LOC128462377: variants seen among roughly 807,000 people sequenced by gnomAD.
At chr16:89,337,691 C>T in the LOC128462377 span, among the ~76,000 whole-genome samples, 40 of 152,224 alleles carry the variant, frequency 2.6e-4, 1 homozygote, top group South Asian at 6.2e-3. Context: ...CCACCCGCCT[C>T]GGCCTCCCAA....
chr16:89,409,601 G>A, the LOC128462377 span, among the ~76,000 whole-genome samples: 3 of 152,144 alleles, frequency 2.0e-5, no homozygotes, highest in African/African-American at 7.2e-5. Context: ...ACTGCTTAAG[G>A]CCAGGAGTTC....
chr16:89,371,529 G>C, the LOC128462377 span, among the ~76,000 whole-genome samples: 2 of 152,186 alleles, frequency 1.3e-5, no homozygotes, highest in Non-Finnish European at 2.9e-5. Context: ...CCACAGATGA[G>C]TTCTCTCAAG....
the LOC128462377 span, among the ~76,000 whole-genome samples, chr16:89,411,189 A>T: frequency 6.6e-6 from 1 of 152,236 alleles, no homozygotes. Context: ...CGCCTCCATG[A>T]CGGTGCCCTC....
the LOC128462377 span, among the ~76,000 whole-genome samples, chr16:89,339,263 T>C: frequency 6.6e-6 from 1 of 152,342 alleles, no homozygotes; most frequent in East Asian, 1.9e-4. Flanking sequence ...AATCATGCAT[T>C]AGGCAATAGA....
At chr16:89,345,484 G>A in the LOC128462377 span, among the ~76,000 whole-genome samples, 3 of 152,178 alleles carry the variant, frequency 2.0e-5, no homozygotes, top group African/African-American at 7.2e-5. Flanking sequence ...CCCCAAGCAC[G>A]GAGGCAGAGA....
At chr16:89,410,068 T>G in the LOC128462377 span, among the ~76,000 whole-genome samples, 1 of 152,204 alleles carries the variant, frequency 6.6e-6, no homozygotes, top group African/African-American at 2.4e-5. Context: ...CTCGATCTCC[T>G]GACCTCGTGA....
At chr16:89,347,607 T>TGA in the LOC128462377 span, among the ~76,000 whole-genome samples, 1 of 127,368 alleles carries the variant, frequency 7.9e-6, no homozygotes, top group Non-Finnish European at 1.6e-5. Flanking sequence ...CGAGACTCCG[T>TGA]AAAAAAAAAA....
chr16:89,358,927 G>C, the LOC128462377 span, among the ~76,000 whole-genome samples: 2 of 152,078 alleles, frequency 1.3e-5, no homozygotes, highest in Admixed American at 6.5e-5. Context: ...CTGGGCTCAA[G>C]TGATCCTCCC....
chr16:89,401,279 A>C, the LOC128462377 span, among the ~76,000 whole-genome samples: 1 of 152,064 alleles, frequency 6.6e-6, no homozygotes, highest in Non-Finnish European at 1.5e-5. Context: ...GGGTTTCGCC[A>C]TGTTAGCCAG....
At chr16:89,380,173 C>T in the LOC128462377 span, among the ~76,000 whole-genome samples, 5 of 152,110 alleles carry the variant, frequency 3.3e-5, no homozygotes, top group African/African-American at 4.8e-5. Context: ...AGAGCGATGG[C>T]GTGATCTCGG....
At chr16:89,395,673 T>C in the LOC128462377 span, 3 of 152,228 alleles carry the variant, frequency 2.0e-5, no homozygotes, top group African/African-American at 7.2e-5. Flanking sequence ...GTTTGAAAAG[T>C]TGTCAATAAG....
At chr16:89,367,295 T>C in the LOC128462377 span, among the ~76,000 whole-genome samples, 7 of 152,332 alleles carry the variant, frequency 4.6e-5, no homozygotes, top group Non-Finnish European at 1.0e-4. Context: ...CAGGGGCCAG[T>C]GCTGGCCCAG....
chr16:89,369,547 C>A, the LOC128462377 span, among the ~76,000 whole-genome samples: 1 of 152,196 alleles, frequency 6.6e-6, no homozygotes. Flanking sequence ...CTGGAATAGG[C>A]AGATAAATCC....
the LOC128462377 span, among the ~76,000 whole-genome samples, chr16:89,384,879 C>CTTTTTTTTTTTTTTTTTTTTTGTTTT: frequency 2.0e-5 from 1 of 49,910 alleles, no homozygotes; most frequent in Non-Finnish European, 3.5e-5. Flanking sequence ...AAATAGTTTT[C>CTTTTTTTTTTTTTTTTTTTTTGTTTT]TTTTTTTTTT....
chr16:89,415,457 G>A, the LOC128462377 span, among the ~76,000 whole-genome samples: 2 of 147,090 alleles, frequency 1.4e-5, no homozygotes, highest in Non-Finnish European at 3.0e-5. Context: ...GTAGAGACGG[G>A]GTTTCACCGT....
chr16:89,393,227 G>T, the LOC128462377 span, among the ~76,000 whole-genome samples: 1 of 152,148 alleles, frequency 6.6e-6, no homozygotes, highest in Non-Finnish European at 1.5e-5. Flanking sequence ...TGTTCCCACA[G>T]GTGACATGGC....
chr16:89,331,016 C>T, the LOC128462377 span, among the ~76,000 whole-genome samples: 1 of 152,068 alleles, frequency 6.6e-6, no homozygotes, highest in Admixed American at 6.5e-5. Flanking sequence ...TGCAATGGTG[C>T]CATCTCGGCT....
At chr16:89,358,824 G>T in the LOC128462377 span, among the ~76,000 whole-genome samples, 2 of 151,738 alleles carry the variant, frequency 1.3e-5, no homozygotes, top group Admixed American at 6.6e-5. Flanking sequence ...TTTGTTTTTT[G>T]CCTGTAGGTT....
chr16:89,395,306 C>T, the LOC128462377 span, among the ~76,000 whole-genome samples: 13 of 152,338 alleles, frequency 8.5e-5, no homozygotes, highest in East Asian at 1.4e-3. Context: ...TTTCCAGCTC[C>T]GTAATCCTGG....
Sources: allele counts gnomAD v4.1 joint callset (sites outside exome capture counted in the v4.1 genomes callset), GRCh38; gene constraint gnomAD v4.1.1; transcripts MANE v1.5.